Variants in MMS22L observed in about 807,000 individuals in gnomAD.
The protein encoded by MMS22L is MMS22 like, DNA repair protein.
A neutral mutation model predicts 159.1 loss-of-function variants in MMS22L; 74 were observed. That is an observed-to-expected ratio of 0.47 (90% CI 0.39 to 0.56). MMS22L has a LOEUF of 0.56. Among genes scored for constraint, MMS22L ranks in the 20% least tolerant of loss-of-function variants. The pLI is 0.00. For synonymous variants in MMS22L, 517 were observed against 506.9 expected, an observed-to-expected ratio of 1.02 and a Z score of -0.27; for missense variants, 1,351 against 1,422.1, an observed-to-expected ratio of 0.95 and a Z score of 0.80.
intron 11 of MMS22L, among the ~76,000 whole-genome samples, chr6:97,238,523 ATCTCCCACATTT>A (rs1288896407): frequency 2.7e-5 from 4 of 150,580 alleles, no homozygotes; most frequent in African/African-American, 4.9e-5. Context: ...AGTACTACGC[ATCTCCCACATTT>A]TCAGAAGCCC....
rs763245756 is a variant in MMS22L, at chr6:97,144,878, C to A, written c.*1928G>T. 10 of 151,844 alleles carry A rather than the reference C, an allele frequency of 6.6e-5. No individual in the cohort carries two copies. The highest frequency in any genetic ancestry group is 1.2e-4 in the Non-Finnish European group (8 of 67,952). 9.4% of individuals were successfully genotyped at this position (151,844 alleles called of 1,614,324 possible). Reference sequence around the variant, plus strand: ...ACTTTGTTGTTACCATTCTTAAGTACAAATTTTAGTTATTCTTAGTATCTA... The same window carrying A: ...ACTTTGTTGTTACCATTCTTAAGTAAAAATTTTAGTTATTCTTAGTATCTA... On this transcript the variant is annotated 3_prime_UTR_variant, in exon 25 of 25. Coordinates refer to ENST00000683635, the MANE Select transcript of MMS22L (RefSeq NM_001350599.2).
chr6:97,263,868 C>G (rs1433535149), intron 8 of MMS22L: 1 of 153,126 alleles, frequency 6.5e-6, no homozygotes. Flanking sequence ...ACCACCACGC[C>G]CGGCTAATTT....
intron 8 of MMS22L, chr6:97,264,982 A>G (rs1814932609): frequency 6.6e-6 from 1 of 152,208 alleles, no homozygotes; most frequent in Admixed American, 6.5e-5. Context: ...AGTGACCTAC[A>G]GATTCAATGA....
At chr6:97,225,151 C>G (rs151115442) in intron 14 of MMS22L, among the ~76,000 whole-genome samples, 26 of 152,108 alleles carry the variant, frequency 1.7e-4, no homozygotes, top group African/African-American at 6.3e-4. Context: ...TCTTGTGTTT[C>G]TAGTTACTAT....
At chr6:97,162,764 G>C (rs1487459024) in intron 21 of MMS22L, among the ~76,000 whole-genome samples, 1 of 151,898 alleles carries the variant, frequency 6.6e-6, no homozygotes, top group African/African-American at 2.4e-5. Flanking sequence ...ACTCAAGAGC[G>C]ATCATAAGGA....
At chr6:97,215,505 C>G (rs1273623984) in intron 14 of MMS22L, among the ~76,000 whole-genome samples, 1 of 152,102 alleles carries the variant, frequency 6.6e-6, no homozygotes, top group Non-Finnish European at 1.5e-5. Flanking sequence ...ATTTGCACAC[C>G]GGGGTTACTC....
At chr6:97,159,389 T>G (rs1766513) in intron 22 of MMS22L, among the ~76,000 whole-genome samples, 82,246 of 151,222 alleles carry the variant, frequency 0.54, 23,170 homozygotes, top group African/African-American at 0.69. Flanking sequence ...TTATACTAAT[T>G]CTAGTGAAAT....
At chr6:97,275,454 G>A (rs1816161532) in intron 4 of MMS22L, among the ~76,000 whole-genome samples, 2 of 152,164 alleles carry the variant, frequency 1.3e-5, no homozygotes, top group Non-Finnish European at 2.9e-5. Flanking sequence ...TTGAACCAGG[G>A]AGTCAGAGGT....
At chr6:97,254,944 G>C (rs1813633883) in intron 9 of MMS22L, among the ~76,000 whole-genome samples, 1 of 152,078 alleles carries the variant, frequency 6.6e-6, no homozygotes, top group Admixed American at 6.5e-5. Flanking sequence ...CCTCCATCCA[G>C]TAGTTAACAA....
intron 11 of MMS22L, chr6:97,246,257 G>A: frequency 2.4e-6 from 1 of 417,544 alleles, no homozygotes; most frequent in Non-Finnish European, 4.7e-6. Context: ...TGCTCAGCAA[G>A]GCAAGTCACC....
chr6:97,143,876 G>T lies in MMS22L; in HGVS notation c.*2930C>A, dbSNP rs972732581. 1 of 152,340 alleles carries T rather than the reference G, an allele frequency of 6.6e-6. No individual in the cohort carries two copies. Among genetic ancestry groups the T allele is most frequent in the African/African-American group, 2.4e-5 (1 of 41,350 alleles). The allele number at this position is 152,340 out of a possible 1,614,324, so 9.4% of individuals were successfully genotyped here. A position where few individuals can be genotyped will look rare whatever the true frequency, so the allele number is the denominator to read the frequency against. On this transcript the variant is annotated 3_prime_UTR_variant, in exon 25 of 25. Coordinates refer to ENST00000683635, the MANE Select transcript of MMS22L (RefSeq NM_001350599.2). The stretch of plus-strand genomic sequence containing the variant: ...GAGGCCGAGGCGGGCGGATCATGAG[G>T]TCAGGAGATCGAGCCCAACATGGTG...
At chr6:97,146,970 C>T in intron 24 of MMS22L, 83 bp from the exon 25 acceptor site, 1 of 903,218 alleles carries the variant, frequency 1.1e-6, no homozygotes, top group Non-Finnish European at 1.7e-6. Context: ...TAAGTCTGCC[C>T]ATCATCCATC....
chr6:97,259,924 A>G (rs1814272206), intron 9 of MMS22L: 1 of 152,152 alleles, frequency 6.6e-6, no homozygotes, highest in South Asian at 2.1e-4. Flanking sequence ...AAATTCCTGG[A>G]AGTGGGATTG....
At chr6:97,180,319 T>C (rs1804583406) in intron 16 of MMS22L, among the ~76,000 whole-genome samples, 1 of 152,144 alleles carries the variant, frequency 6.6e-6, no homozygotes, top group Admixed American at 6.5e-5. Flanking sequence ...GCCAGGATGG[T>C]CTCGATCTCC....
At chr6:97,234,093 C>T (rs1026544054) in intron 11 of MMS22L, 113 bp from the exon 12 acceptor site, 2 of 1,173,078 alleles carry the variant, frequency 1.7e-6, no homozygotes, top group Non-Finnish European at 2.4e-6. Flanking sequence ...AAATATGTGT[C>T]ACCCAATCAT....
intron 2 of MMS22L, 69 bp from the exon 3 acceptor site, chr6:97,281,431 T>A (rs968793677): frequency 1.5e-6 from 2 of 1,309,820 alleles, no homozygotes; most frequent in African/African-American, 3.0e-5. Flanking sequence ...CTCTTTTCTT[T>A]ACATTATTTG....
At chr6:97,234,349 G>GCTTGGTCATACTTAAGTA (rs1404374549) in intron 11 of MMS22L, among the ~76,000 whole-genome samples, 2 of 152,126 alleles carry the variant, frequency 1.3e-5, no homozygotes, top group Non-Finnish European at 2.9e-5. Context: ...AATCCAGAGT[G>GCTTGGTCATACTTAAGTA]CTTGGTCATA....
At position 97,272,791 on chromosome 6, in the gene MMS22L, C is replaced by T. The variant is rs1815876573; in HGVS notation, c.519G>A (p.Glu173=). The change falls in exon 6 of 25, where the codon GAG becomes GAA. Residue 173 remains glutamate, a synonymous_variant. Transcript: ENST00000683635. ...CAATATACAAGAGTAATCCATGAAG[C>T]TCATCAATCAACACTGAGGGAAGCT... ...EAQLPSVLID[E]LHGLLLYIGH... The T allele has an allele frequency of 1.2e-6, 2 of 1,613,982 alleles. No individual in the cohort carries two copies. The highest frequency in any genetic ancestry group is 2.2e-5 in the East Asian group (1 of 44,864).
At chr6:97,268,539 A>G (rs1815392016) in intron 7 of MMS22L, among the ~76,000 whole-genome samples, 1 of 152,032 alleles carries the variant, frequency 6.6e-6, no homozygotes, top group Admixed American at 6.6e-5. Context: ...TCTTTTCCTA[A>G]TAAGTCTATC....
Sources: allele counts gnomAD v4.1 joint callset (sites outside exome capture counted in the v4.1 genomes callset), GRCh38; gene constraint gnomAD v4.1.1; transcripts MANE v1.5; gene names NCBI Gene and HGNC (gene_info 2026-07-23, HGNC 2026-07-21).